Variants in DMD observed in about 807,000 individuals in gnomAD.
DMD encodes the protein mutant dystrophin.
A neutral mutation model predicts 330.1 loss-of-function variants in DMD; 63 were observed. The observed-to-expected ratio is 0.19, with a 90% confidence interval of 0.16 to 0.24. The LOEUF (loss-of-function observed/expected upper bound fraction) is 0.24, where lower values mean the gene tolerates loss of function less well. DMD is among the 10% of genes least tolerant of loss of function. DMD has a pLI of 1.00. For synonymous variants in DMD, 1,223 were observed against 959.8 expected, an observed-to-expected ratio of 1.27 and a Z score of -5.07; for missense variants, 3,344 against 2,684.1, an observed-to-expected ratio of 1.25 and a Z score of -5.43.
At chrX:31,646,893 C>A (rs1235140082) in intron 54 of DMD, among the ~76,000 whole-genome samples, 2 of 112,252 alleles carry the variant, frequency 1.8e-5, no homozygotes, top group Non-Finnish European at 3.8e-5. Flanking sequence ...TACAACCTTA[C>A]ACATGTATCT....
At chrX:31,403,061 A>G (rs2061261139) in intron 60 of DMD, among the ~76,000 whole-genome samples, 1 of 112,289 alleles carries the variant, frequency 8.9e-6, no homozygotes, top group African/African-American at 3.2e-5. Flanking sequence ...TATCACTAGG[A>G]AAAGACATAG....
intron 44 of DMD, among the ~76,000 whole-genome samples, chrX:32,037,105 A>C (rs1360032488): frequency 1.8e-5 from 2 of 112,087 alleles, no homozygotes; most frequent in Non-Finnish European, 3.8e-5. Flanking sequence ...TCTGTAAAGG[A>C]AAGTCAAGAG....
At chrX:32,600,998 A>T (rs2056144257) in intron 12 of DMD, among the ~76,000 whole-genome samples, 1 of 111,471 alleles carries the variant, frequency 9.0e-6, no homozygotes, top group Admixed American at 9.6e-5. Context: ...TCAAGTACAG[A>T]TCAGAAAGTG....
chrX:31,809,237 T>C (rs1333833525), intron 50 of DMD, among the ~76,000 whole-genome samples: 2 of 106,733 alleles, frequency 1.9e-5, no homozygotes, highest in Non-Finnish European at 3.8e-5. Context: ...ATAAAAACTA[T>C]ATAGAGATAT....
intron 45 of DMD, among the ~76,000 whole-genome samples, chrX:31,951,142 TG>T (rs2095164517): frequency 1.5e-5 from 1 of 66,644 alleles, no homozygotes; most frequent in Non-Finnish European, 2.8e-5. Flanking sequence ...TATATATATG[TG>T]TATATATATA....
chrX:32,560,299 C>A (rs763580469), intron 16 of DMD, among the ~76,000 whole-genome samples: 1 of 110,275 alleles, frequency 9.1e-6, no homozygotes, highest in African/African-American at 3.3e-5. Context: ...ATGATAATTA[C>A]AATTAGCATA....
chrX:33,222,201 C>A (rs2052194426), intron 1 of DMD, among the ~76,000 whole-genome samples: 1 of 111,837 alleles, frequency 8.9e-6, no homozygotes, highest in Non-Finnish European at 1.9e-5. Flanking sequence ...ACTAATGGAT[C>A]ACTTGGGGTT....
chrX:31,793,226 T>C (rs1368255651), intron 50 of DMD, among the ~76,000 whole-genome samples: 1 of 110,720 alleles, frequency 9.0e-6, no homozygotes, highest in East Asian at 2.9e-4. Flanking sequence ...ATGGGTGGTT[T>C]AGAAAAAGGC....
intron 56 of DMD, among the ~76,000 whole-genome samples, chrX:31,507,078 C>T (rs1236638753): frequency 2.7e-5 from 3 of 111,719 alleles, no homozygotes; most frequent in South Asian, 3.8e-4. Flanking sequence ...TAAAACATTA[C>T]CACTTTAATC....
intron 54 of DMD, among the ~76,000 whole-genome samples, chrX:31,637,140 G>A (rs191604123): frequency 9.0e-6 from 1 of 111,626 alleles, no homozygotes; most frequent in African/African-American, 3.2e-5. Flanking sequence ...TTAATTTGTC[G>A]AAGTGACTTA....
At chrX:31,329,804 C>G (rs2056998792) in intron 61 of DMD, among the ~76,000 whole-genome samples, 2 of 107,904 alleles carry the variant, frequency 1.9e-5, no homozygotes, top group African/African-American at 3.4e-5. Flanking sequence ...AACCCCATCT[C>G]TACTAAAAAT....
intron 41 of DMD, among the ~76,000 whole-genome samples, chrX:32,331,928 C>G (rs1307962993): frequency 9.0e-6 from 1 of 111,385 alleles, no homozygotes; most frequent in Admixed American, 9.6e-5. Flanking sequence ...ATTCGGAAAA[C>G]ACAAAATCCT....
At chrX:31,693,772 G>C (rs1274686271) in intron 52 of DMD, among the ~76,000 whole-genome samples, 2 of 111,653 alleles carry the variant, frequency 1.8e-5, no homozygotes, top group African/African-American at 6.5e-5. Flanking sequence ...GAAAGAAATT[G>C]AAGATGACAC....
chrX:32,685,132 G>T (rs761015919), intron 9 of DMD, among the ~76,000 whole-genome samples: 1 of 110,404 alleles, frequency 9.1e-6, no homozygotes, highest in Non-Finnish European at 1.9e-5. Context: ...TAAATTAATG[G>T]TAATACTACA....
At chrX:32,940,144 G>A (rs933105569) in intron 2 of DMD, among the ~76,000 whole-genome samples, 16 of 111,722 alleles carry the variant, frequency 1.4e-4, no homozygotes, top group South Asian at 3.7e-4. Context: ...TACAGCAACC[G>A]AATCAGCATG....
intron 22 of DMD, among the ~76,000 whole-genome samples, chrX:32,470,679 TTAAA>T (rs1438846581): frequency 9.0e-6 from 1 of 111,208 alleles, no homozygotes; most frequent in African/African-American, 3.3e-5. Context: ...ATGCCAAGCA[TTAAA>T]AACCACAACA....
rs61053291 is a variant in DMD, at chrX:32,523,485, C to G, written c.2169-5354G>C. Among the ~76,000 whole-genome samples, 1,050 of 112,052 alleles carry G rather than the reference C, an allele frequency of 9.4e-3. 19 individuals are homozygous for G. Among genetic ancestry groups the G allele is most frequent in the African/African-American group, 0.032 (999 of 30,819 alleles). ...TTTGTTTGATAGTAGATCATAAGAC[C>G]CTCATTCAAGTGGGGTCCTACCCCA... On this transcript the variant is annotated intron_variant, in intron 17 of 78. Coordinates refer to ENST00000357033, the MANE Select transcript of DMD (RefSeq NM_004006.3).
chrX:32,685,274 A>G lies in DMD; in HGVS notation c.960+12596T>C, dbSNP rs780779780. On this transcript the variant is annotated intron_variant, in intron 9 of 78. Coordinates refer to ENST00000357033, the MANE Select transcript of DMD (RefSeq NM_004006.3). The stretch of plus-strand genomic sequence containing the variant: ...AATCCACGGGCTAATCTTATTTCTC[A>G]TTCCATTAATGATCTAAATTTCTTC... Among the ~76,000 whole-genome samples, 4 of 111,586 alleles carry G rather than the reference A, an allele frequency of 3.6e-5. No individual in the cohort carries two copies. The South Asian group carries it at 1.1e-3, about 31-fold the overall frequency.
chrX:31,375,352 G>A (rs775651655), intron 60 of DMD, among the ~76,000 whole-genome samples: 1 of 111,333 alleles, frequency 9.0e-6, no homozygotes, highest in African/African-American at 3.3e-5. Flanking sequence ...TTTCTTAGAG[G>A]TGTAAATCCT....
Sources: allele counts gnomAD v4.1 joint callset (sites outside exome capture counted in the v4.1 genomes callset), GRCh38; gene constraint gnomAD v4.1.1; transcripts MANE v1.5; gene names NCBI Gene and HGNC (gene_info 2026-07-23, HGNC 2026-07-21).